C2orf80: variants seen among roughly 807,000 people sequenced by gnomAD.
C2orf80 encodes the protein chromosome 2 open reading frame 80, also known as uncharacterized protein C2orf80.
In C2orf80, 28 loss-of-function variants were observed where a neutral mutation model predicts 30.2. The ratio of observed to expected loss-of-function variants is 0.93; its 90% CI spans 0.69 to 1.27. The LOEUF is 1.27. Ranked by LOEUF, C2orf80 falls within the 50% of genes most tolerant of loss-of-function variation. The pLI is 0.00. For synonymous variants in C2orf80, 80 were observed against 76.4 expected (o/e 1.05, Z -0.24); for missense variants, 220 against 231.0 (o/e 0.95, Z 0.31).
chr2:208,188,911 T>C (rs1332014565), intron 1 of C2orf80, among the ~76,000 whole-genome samples: 2 of 152,102 alleles, frequency 1.3e-5, no homozygotes, highest in Non-Finnish European at 2.9e-5. Context: ...GGGGAGAGGA[T>C]GCAGCAAGCC....
At chr2:208,177,082 A>T (rs1164198267) in intron 6 of C2orf80, among the ~76,000 whole-genome samples, 3 of 140,546 alleles carry the variant, frequency 2.1e-5, no homozygotes, top group African/African-American at 5.4e-5. Context: ...TATATAGATA[A>T]TGTATACATA....
chr2:208,179,710 T>G (rs1366538104), intron 6 of C2orf80, among the ~76,000 whole-genome samples: 1 of 152,084 alleles, frequency 6.6e-6, no homozygotes, highest in Non-Finnish European at 1.5e-5. Context: ...ACCCTTTTTT[T>G]TTTTTTAAGA....
At chr2:208,181,908 T>C (rs529473638) in intron 4 of C2orf80, among the ~76,000 whole-genome samples, 3 of 152,286 alleles carry the variant, frequency 2.0e-5, no homozygotes, top group African/African-American at 7.2e-5. Flanking sequence ...CAGATGACAT[T>C]GTTTGAGTTT....
rs1410635728 is a variant in C2orf80, at chr2:208,183,024, A to C, written c.147T>G (p.Ser49Arg). 5.0e-6 allele frequency: 8 copies of C among 1,614,086 alleles called. No homozygotes were observed. The highest frequency in any genetic ancestry group is 6.8e-6 in the Non-Finnish European group (8 of 1,179,938). Reference protein sequence around the residue: ...DDMAHYDLAISVALQWLDPSE... With the variant: ...DDMAHYDLAIRVALQWLDPSE... ...AGGGATCCAGCCATTGCAAAGCAAC[A>C]CTGATGGCCAAGTCATAGTGTGCCT... is the stretch of plus-strand genomic sequence containing the variant. Residue 49 changes from serine to arginine, a missense_variant, in exon 4 of 9, where the codon AGT (serine) becomes AGG (arginine). Coordinates refer to ENST00000341287, the MANE Select transcript of C2orf80 (RefSeq NM_001099334.3).
intron 6 of C2orf80, among the ~76,000 whole-genome samples, chr2:208,173,632 CAAA>C (rs1696182984): frequency 1.4e-3 from 1 of 736 alleles, no homozygotes; most frequent in Non-Finnish European, 9.1e-3. Context: ...CTCAAAAAAA[CAAA>C]AACAAAAACA....
chr2:208,188,085 CGTGTGTGTGTGTGTGTGT>C (rs139478315), intron 1 of C2orf80, among the ~76,000 whole-genome samples: 1 of 144,112 alleles, frequency 6.9e-6, no homozygotes, highest in African/African-American at 2.5e-5. Flanking sequence ...TATACTGCAC[CGTGTGTGTGTGTGTGTGT>C]GTGTGTGTGT....
chr2:208,188,835 G>C (rs147999165), intron 1 of C2orf80, among the ~76,000 whole-genome samples: 1 of 152,328 alleles, frequency 6.6e-6, no homozygotes, highest in East Asian at 1.9e-4. Flanking sequence ...GGGGAAGAAA[G>C]TAAGAGCATT....
rs1400927069 is a variant in C2orf80 at position 208,171,434 on chromosome 2, C to T, written c.455-371G>A. ...CTCCCAGATTCAAGCGATTATCTCGCCTCAGCCTCCTGAGTAGCTGGGATT... is the reference window on the plus strand; with the variant it reads ...CTCCCAGATTCAAGCGATTATCTCGTCTCAGCCTCCTGAGTAGCTGGGATT... On this transcript the variant is annotated intron_variant, in intron 7 of 8. Coordinates refer to ENST00000341287, the MANE Select transcript of C2orf80 (RefSeq NM_001099334.3). Among the ~76,000 whole-genome samples, 3 of 151,930 alleles carry T rather than the reference C, an allele frequency of 2.0e-5. No individual in the cohort carries two copies. In the East Asian group the frequency reaches 6.2e-4, roughly 31 times the overall value.
chr2:208,184,370 G>A (rs191700567), intron 3 of C2orf80, among the ~76,000 whole-genome samples: 12 of 152,340 alleles, frequency 7.9e-5, no homozygotes, highest in African/African-American at 2.6e-4. Flanking sequence ...CTCTACTTTA[G>A]TCGGAGAAGA....
At chr2:208,180,884 G>A (rs896063510) in intron 5 of C2orf80, 68 bp from the exon 6 acceptor site, 1 of 1,307,744 alleles carries the variant, frequency 7.6e-7, no homozygotes, top group African/African-American at 1.5e-5. Flanking sequence ...ATAAAACAAA[G>A]CTAATATAGC....
chr2:208,173,345 C>CTGGG (rs1696167532), intron 6 of C2orf80, among the ~76,000 whole-genome samples: 1 of 152,040 alleles, frequency 6.6e-6, no homozygotes, highest in Non-Finnish European at 1.5e-5. Flanking sequence ...AAACTCAAGG[C>CTGGG]TGGGTGTGGA....
At chr2:208,177,700 G>T (rs937059874) in intron 6 of C2orf80, among the ~76,000 whole-genome samples, 1 of 152,140 alleles carries the variant, frequency 6.6e-6, no homozygotes, top group Admixed American at 6.5e-5. Context: ...AACAGAGAAG[G>T]TGCTGAACAA....
At chr2:208,176,972 T>TCTGTATACATATGTAGACAG in intron 6 of C2orf80, among the ~76,000 whole-genome samples, 1 of 48,518 alleles carries the variant, frequency 2.1e-5, no homozygotes, top group Admixed American at 3.1e-4. Context: ...TATGTATACA[T>TCTGTATACATATGTAGACAG]ATATACAGAA....
chr2:208,176,941 C>CATATGTATACAGATATGTATACATA (rs1696341194), intron 6 of C2orf80, among the ~76,000 whole-genome samples: 3 of 30,220 alleles, frequency 9.9e-5, no homozygotes, highest in African/African-American at 2.9e-4. Flanking sequence ...GTATACATAT[C>CATATGTATACAGATATGTATACATA]TGTATACATA....
intron 6 of C2orf80, among the ~76,000 whole-genome samples, chr2:208,179,062 A>G (rs1696465213): frequency 6.6e-6 from 1 of 152,078 alleles, no homozygotes; most frequent in Non-Finnish European, 1.5e-5. Context: ...AACGGCCTGC[A>G]AAAAAGTTTT....
At chr2:208,188,900 T>C (rs907073928) in intron 1 of C2orf80, among the ~76,000 whole-genome samples, 1 of 152,016 alleles carries the variant, frequency 6.6e-6, no homozygotes, top group Non-Finnish European at 1.5e-5. Context: ...ACAGAGTCAA[T>C]GGGGAGAGGA....
chr2:208,177,833 T>G lies in C2orf80; in HGVS notation c.366+2912A>C, dbSNP rs1386070282. ...ATTTATTTATTTATTTATTTATTTT[T>G]TATTTTTTTTGAGACAGAGTTTTGC... On this transcript the variant is annotated intron_variant, in intron 6 of 8. Transcript: ENST00000341287. Among the ~76,000 whole-genome samples, 3 of 148,542 alleles carry G rather than the reference T, an allele frequency of 2.0e-5. No individual in the cohort carries two copies. In the East Asian group the frequency reaches 5.8e-4, roughly 29 times the overall value.
At chr2:208,169,862 A>C (rs1476898248) in intron 8 of C2orf80, among the ~76,000 whole-genome samples, 1 of 152,242 alleles carries the variant, frequency 6.6e-6, no homozygotes, top group Non-Finnish European at 1.5e-5. Context: ...ACATTTATTA[A>C]AACCCTGATA....
chr2:208,184,864 T>C, intron 3 of C2orf80, 87 bp downstream of exon 3: 1 of 1,090,930 alleles, frequency 9.2e-7, no homozygotes, highest in Non-Finnish European at 1.4e-6. Flanking sequence ...ATATTAGCCT[T>C]GTTTATTGTA....
Sources: allele counts gnomAD v4.1 joint callset (sites outside exome capture counted in the v4.1 genomes callset), GRCh38; gene constraint gnomAD v4.1.1; transcripts MANE v1.5; gene names NCBI Gene and HGNC (gene_info 2026-07-23, HGNC 2026-07-21).